PTK2B: variants seen among roughly 807,000 people sequenced by gnomAD.
The protein encoded by PTK2B is protein tyrosine kinase 2 beta.
A neutral mutation model predicts 142.9 loss-of-function variants in PTK2B; 71 were observed. That is an observed-to-expected ratio of 0.50 (90% CI 0.41 to 0.61). PTK2B has a LOEUF of 0.61. Among genes scored for constraint, PTK2B ranks in the 20% least tolerant of loss-of-function variants. The pLI is 0.00. For synonymous variants in PTK2B, 519 were observed against 503.4 expected, an observed-to-expected ratio of 1.03 and a Z score of -0.42; for missense variants, 1,105 against 1,320.4, an observed-to-expected ratio of 0.84 and a Z score of 2.53.
intron 4 of PTK2B, 90 bp downstream of exon 4, chr8:27,420,834 C>G: frequency 8.0e-7 from 1 of 1,248,126 alleles, no homozygotes; most frequent in African/African-American, 1.5e-5. Context: ...GATGGAAAGA[C>G]AAAGCCCAGA....
chr8:27,312,859 G>A (rs111620972), intron 2 of PTK2B, among the ~76,000 whole-genome samples: 1 of 152,180 alleles, frequency 6.6e-6, no homozygotes, highest in African/African-American at 2.4e-5. Context: ...ATAAGAGCCC[G>A]ATTCCAGAGA....
At chr8:27,392,757 T>C (rs944692120) in intron 1 of PTK2B, among the ~76,000 whole-genome samples, 1 of 152,180 alleles carries the variant, frequency 6.6e-6, no homozygotes, top group African/African-American at 2.4e-5. Context: ...TTCTGAGTGT[T>C]CATTACAGAT....
At chr8:27,434,975 G>A (rs1017814437) in intron 13 of PTK2B, among the ~76,000 whole-genome samples, 2 of 151,952 alleles carry the variant, frequency 1.3e-5, no homozygotes, top group African/African-American at 4.8e-5. Flanking sequence ...ACTCCAGCCT[G>A]TCAACCCAGC....
intron 1 of PTK2B, among the ~76,000 whole-genome samples, chr8:27,358,928 C>A (rs1805536807): frequency 6.6e-6 from 1 of 152,118 alleles, no homozygotes; most frequent in African/African-American, 2.4e-5. Flanking sequence ...ATATCATTAT[C>A]CTCCTTACCA....
At chr8:27,319,063 C>T (rs1376750168) in intron 3 of PTK2B, among the ~76,000 whole-genome samples, 4 of 152,120 alleles carry the variant, frequency 2.6e-5, no homozygotes, top group Admixed American at 2.6e-4. Flanking sequence ...TTATTTTTCC[C>T]AAAGAGATTC....
chr8:27,323,281 G>A (rs917346738), upstream of PTK2B: 18 of 152,362 alleles, frequency 1.2e-4, no homozygotes, highest in African/African-American at 4.3e-4. Context: ...GGCTGGAACG[G>A]GGCTTGTTTG....
At position 27,445,780 on chromosome 8, in the gene PTK2B, C is replaced by T; in HGVS notation, c.2215-14C>T. On this transcript the variant is annotated splice_polypyrimidine_tract_variant and intron_variant, in intron 23 of 30. Coordinates refer to ENST00000346049, the MANE Select transcript of PTK2B (RefSeq NM_173176.3). ...TTGTCCCGTGCCTTGTGCTTCTTTG[C>T]TTTTCCTGAATAGGTTCCTGAGGGT... 1 of 1,613,210 alleles carries T rather than the reference C, an allele frequency of 6.2e-7. No homozygotes were observed. The highest frequency in any genetic ancestry group is 8.5e-7 in the Non-Finnish European group (1 of 1,180,040).
Position 27,335,778 on chromosome 8 carries a change from C to A in PTK2B, c.-38+10097C>A, listed in dbSNP as rs557251518. Among the ~76,000 whole-genome samples the A allele has an allele frequency of 9.9e-5, 15 of 152,222 alleles. No homozygotes were observed. In the East Asian group the frequency reaches 1.7e-3, roughly 18 times the overall value. Reference sequence around the variant, plus strand: ...TCCCACCACATGCTATGGGGTGAGTCCCCTGGGTAAGCCTGTTCAAGCCTC... The same window carrying A: ...TCCCACCACATGCTATGGGGTGAGTACCCTGGGTAAGCCTGTTCAAGCCTC... On this transcript the variant is annotated intron_variant, in intron 1 of 30. Coordinates refer to ENST00000346049, the MANE Select transcript of PTK2B (RefSeq NM_173176.3).
At chr8:27,433,640 T>C in intron 11 of PTK2B, 88 bp downstream of exon 11, 1 of 1,118,476 alleles carries the variant, frequency 8.9e-7, no homozygotes, top group Admixed American at 1.9e-5. Flanking sequence ...GCTAAGCCAC[T>C]GATGGATAAG....
rs534613503 is a variant in PTK2B at position 27,374,817 on chromosome 8, A to G, written c.-37-22731A>G. On this transcript the variant is annotated intron_variant, in intron 1 of 30. Coordinates refer to ENST00000346049, the MANE Select transcript of PTK2B (RefSeq NM_173176.3). ...GTAGAAACCAGAAAACGTGGTTATT[A>G]CAAAGCCTGGCCCACATGCCCTTGA... Among the ~76,000 whole-genome samples the G allele has an allele frequency of 3.9e-5, 6 of 152,372 alleles. No individual in the cohort carries two copies. In the East Asian group the frequency reaches 1.2e-3, roughly 29 times the overall value.
At chr8:27,458,231 T>C in intron 30 of PTK2B, 63 bp from the exon 31 acceptor site, 2 of 1,522,508 alleles carry the variant, frequency 1.3e-6, no homozygotes, top group Non-Finnish European at 1.8e-6. Context: ...CCTCTGTGGC[T>C]TCCCTATCCT....
chr8:27,373,875 C>T (rs1806507102), intron 1 of PTK2B, among the ~76,000 whole-genome samples: 1 of 151,752 alleles, frequency 6.6e-6, no homozygotes, highest in Non-Finnish European at 1.5e-5. Flanking sequence ...GAAAAATACG[C>T]CTCTTGAACA....
intron 1 of PTK2B, among the ~76,000 whole-genome samples, chr8:27,383,253 C>T (rs1220195699): frequency 1.3e-5 from 2 of 152,024 alleles, no homozygotes; most frequent in Non-Finnish European, 2.9e-5. Flanking sequence ...CCCCACTCTC[C>T]CAACACACGC....
intron 1 of PTK2B, among the ~76,000 whole-genome samples, chr8:27,371,149 C>A (rs7013346): frequency 0.35 from 53,593 of 152,010 alleles, 9,969 homozygotes; most frequent in South Asian, 0.5. Flanking sequence ...CCCGCCTCAG[C>A]CTCCCAAACG....
At chr8:27,368,565 G>C (rs1806155295) in intron 1 of PTK2B, among the ~76,000 whole-genome samples, 1 of 152,192 alleles carries the variant, frequency 6.6e-6, no homozygotes, top group African/African-American at 2.4e-5. Context: ...AAGGCTTCCT[G>C]CCTGATTAAC....
At chr8:27,401,696 C>T (rs1324375187) in intron 2 of PTK2B, among the ~76,000 whole-genome samples, 1 of 152,106 alleles carries the variant, frequency 6.6e-6, no homozygotes, top group African/African-American at 2.4e-5. Flanking sequence ...TATGGGAAGC[C>T]ACTGATATAA....
chr8:27,431,271 T>G (rs866042178), intron 8 of PTK2B, 127 bp from the exon 9 acceptor site: 6 of 1,552,848 alleles, frequency 3.9e-6, no homozygotes, highest in Middle Eastern at 3.4e-4. Flanking sequence ...TGGCCAGGGT[T>G]TCGGTGAGAA....
At chr8:27,371,054 C>T (rs1806327220) in intron 1 of PTK2B, among the ~76,000 whole-genome samples, 1 of 152,120 alleles carries the variant, frequency 6.6e-6, no homozygotes, top group African/African-American at 2.4e-5. Context: ...CGCCACCACA[C>T]CTAGCTAATT....
chr8:27,408,280 C>A (rs1808847618), intron 2 of PTK2B, among the ~76,000 whole-genome samples: 1 of 152,156 alleles, frequency 6.6e-6, no homozygotes, highest in Admixed American at 6.5e-5. Flanking sequence ...ATTATCTGAC[C>A]TACATTGTTG....
Sources: gnomAD v4.1 joint callset for allele counts (sites outside exome capture counted in the v4.1 genomes callset) on GRCh38, gnomAD v4.1.1 for gene constraint, MANE v1.5 for transcripts, NCBI Gene and HGNC (gene_info 2026-07-23, HGNC 2026-07-21) for gene names.